RANBP2: variants seen among roughly 807,000 people sequenced by gnomAD.
RANBP2 encodes the protein RAN binding protein 2.
Under a neutral mutation model 303.6 loss-of-function variants are expected in RANBP2, and 57 were observed. The ratio of observed to expected loss-of-function variants is 0.19; its 90% CI spans 0.15 to 0.23. The LOEUF is 0.23. RANBP2 is among the 10% of genes least tolerant of loss of function. The pLI is 1.00. For synonymous variants in RANBP2, 1,167 were observed against 1,301.5 expected (o/e 0.90, Z 2.23); for missense variants, 3,138 against 3,780.8 (o/e 0.83, Z 4.46).
At chr2:109,209,146 C>T in the RANBP2 span, among the ~76,000 whole-genome samples, 1 of 152,220 alleles carries the variant, frequency 6.6e-6, no homozygotes. Context: ...TGGGTCCAAA[C>T]CCTCTGTGCT....
the RANBP2 span, among the ~76,000 whole-genome samples, chr2:108,968,578 AGTCT>A: frequency 6.6e-6 from 1 of 152,176 alleles, no homozygotes; most frequent in East Asian, 1.9e-4. Context: ...ATGGGTGACC[AGTCT>A]GTCTGTGGCG....
chr2:108,727,482 C>A (rs1176358495), intron 1 of RANBP2, among the ~76,000 whole-genome samples: 1 of 151,924 alleles, frequency 6.6e-6, no homozygotes, highest in East Asian at 1.9e-4. Flanking sequence ...TGACGGCAAC[C>A]TGGTTTGATA....
the RANBP2 span, among the ~76,000 whole-genome samples, chr2:109,445,167 G>T: frequency 2.0e-5 from 3 of 152,072 alleles, no homozygotes; most frequent in Non-Finnish European, 2.9e-5. Context: ...AAATGTGAAA[G>T]AGATGTATAA....
At chr2:109,617,036 A>G in the RANBP2 span, 1 of 167,048 alleles carries the variant, frequency 6.0e-6, no homozygotes, top group Non-Finnish European at 1.5e-5. Context: ...TTAAATAATT[A>G]GCACAAATTG....
the RANBP2 span, among the ~76,000 whole-genome samples, chr2:109,023,296 A>C: frequency 1.3e-5 from 2 of 152,248 alleles, no homozygotes; most frequent in Non-Finnish European, 2.9e-5. Flanking sequence ...CCCAAACTTC[A>C]GTGCCCAAAA....
chr2:108,759,554 T>C (rs1676574822), intron 18 of RANBP2, among the ~76,000 whole-genome samples: 1 of 152,202 alleles, frequency 6.6e-6, no homozygotes, highest in Admixed American at 6.5e-5. Context: ...TGAGCACATT[T>C]GTGTGATGGT....
At chr2:108,863,184 A>G in the RANBP2 span, among the ~76,000 whole-genome samples, 4 of 152,132 alleles carry the variant, frequency 2.6e-5, no homozygotes, top group African/African-American at 4.8e-5. Flanking sequence ...AATTTATTCA[A>G]TCGTTCTATT....
chr2:109,400,520 C>T, the RANBP2 span, among the ~76,000 whole-genome samples: 50 of 152,126 alleles, frequency 3.3e-4, no homozygotes, highest in East Asian at 5.4e-3. Flanking sequence ...CCTCCAGGTG[C>T]ACACCTGCAG....
At chr2:109,033,272 C>T in the RANBP2 span, among the ~76,000 whole-genome samples, 1 of 152,172 alleles carries the variant, frequency 6.6e-6, no homozygotes, top group Non-Finnish European at 1.5e-5. Context: ...CTGATTTCCA[C>T]GACTCCTTTT....
chr2:108,752,786 C>G (rs1203488037), intron 12 of RANBP2, among the ~76,000 whole-genome samples: 2 of 150,138 alleles, frequency 1.3e-5, no homozygotes, highest in Non-Finnish European at 3.0e-5. Flanking sequence ...GAGCAAGACT[C>G]TGTCTCAAAA....
chr2:109,032,218 T>C, the RANBP2 span, among the ~76,000 whole-genome samples: 10 of 152,218 alleles, frequency 6.6e-5, no homozygotes, highest in Admixed American at 6.5e-4. Context: ...CTAAAGTTAT[T>C]ACCTGTCTGC....
chr2:109,495,349 C>G, the RANBP2 span, among the ~76,000 whole-genome samples: 3 of 152,200 alleles, frequency 2.0e-5, no homozygotes, highest in African/African-American at 7.2e-5. Context: ...ACCAGCCCCT[C>G]CTGCCCACTG....
the RANBP2 span, chr2:108,912,644 C>A: frequency 6.5e-7 from 1 of 1,533,700 alleles, no homozygotes; most frequent in African/African-American, 1.4e-5. Context: ...TACCACCTAA[C>A]TCCAGGTGAT....
At chr2:109,519,892 G>C in the RANBP2 span, among the ~76,000 whole-genome samples, 1 of 152,206 alleles carries the variant, frequency 6.6e-6, no homozygotes, top group African/African-American at 2.4e-5. Flanking sequence ...GTAAGAAAGG[G>C]AGTGAAATGA....
At chr2:109,091,601 C>T in the RANBP2 span, among the ~76,000 whole-genome samples, 1 of 152,258 alleles carries the variant, frequency 6.6e-6, no homozygotes, top group African/African-American at 2.4e-5. Flanking sequence ...GGGCAGTTAA[C>T]AAATTTGGGA....
the RANBP2 span, among the ~76,000 whole-genome samples, chr2:109,133,149 C>T: frequency 3.9e-5 from 6 of 152,246 alleles, no homozygotes; most frequent in South Asian, 6.2e-4. Context: ...GGGCACTGAC[C>T]GGTGTCACTC....
the RANBP2 span, among the ~76,000 whole-genome samples, chr2:108,996,650 G>A: frequency 6.6e-6 from 1 of 152,036 alleles, no homozygotes; most frequent in African/African-American, 2.4e-5. Context: ...CTGCTGTGCT[G>A]TTGTCCTGTG....
At chr2:109,106,785 C>T in the RANBP2 span, among the ~76,000 whole-genome samples, 145 of 152,022 alleles carry the variant, frequency 9.5e-4, no homozygotes, top group Non-Finnish European at 1.8e-3. Flanking sequence ...TGCAGTGAGC[C>T]AAGATCGCAC....
At chr2:109,179,009 G>GTGTGTGTGTGTGTT in the RANBP2 span, among the ~76,000 whole-genome samples, 50 of 148,726 alleles carry the variant, frequency 3.4e-4, no homozygotes, top group Non-Finnish European at 1.6e-4. Context: ...AATAATGTGT[G>GTGTGTGTGTGTGTT]TGTGTGTGTG....
Sources: gnomAD v4.1 joint callset for allele counts (sites outside exome capture counted in the v4.1 genomes callset) on GRCh38, gnomAD v4.1.1 for gene constraint, MANE v1.5 for transcripts, NCBI Gene and HGNC (gene_info 2026-07-23, HGNC 2026-07-21) for gene names.